The following TPCN2 variants were observed in gnomAD, a reference collection of about 807,000 sequenced individuals.
TPCN2 encodes the protein two pore segment channel 2.
TPCN2 carries 92 observed loss-of-function variants against 111.4 expected under a neutral mutation model. The observed-to-expected ratio is 0.83, with a 90% CI of 0.70 to 0.98. The LOEUF (loss-of-function observed/expected upper bound fraction) is 0.98. Among genes scored for constraint, TPCN2 ranks in the 50% least tolerant of loss-of-function variants. TPCN2 has a pLI of 0.00. For synonymous variants in TPCN2, 405 were observed against 414.5 expected (o/e 0.98, Z 0.28); for missense variants, 995 against 980.1 (o/e 1.02, Z -0.20).
At position 69,087,925 on chromosome 11, in the gene TPCN2, A is replaced by G; in HGVS notation, c.2231A>G (p.Gln744Arg). Residue 744 changes from glutamine (Q) to arginine (R), a missense_variant, in exon 25 of 25, where the codon CAG becomes CGG. Gln to Arg is a conservative substitution (Grantham distance 43). Coordinates refer to ENST00000294309, the MANE Select transcript of TPCN2 (RefSeq NM_139075.4). ...GATGAGCTCACAGAGAGGCTGAGCC[A>G]GCACCCGCACCTGTGGCTGTGCAGG... ...GEDELTERLS[Q>R]HPHLWLCR 6.2e-7 allele frequency: 1 copy of G among 1,611,780 alleles called. No individual in the cohort carries two copies. The highest frequency in any genetic ancestry group is 8.5e-7 in the Non-Finnish European group (1 of 1,179,766).
chr11:69,050,366 G>T (rs1395573585), intron 1 of TPCN2, among the ~76,000 whole-genome samples: 2 of 152,170 alleles, frequency 1.3e-5, no homozygotes, highest in East Asian at 3.9e-4. Flanking sequence ...GACCTTGGCA[G>T]GTTGCTTAAC....
intron 7 of TPCN2, among the ~76,000 whole-genome samples, chr11:69,065,286 G>T (rs549588721): frequency 1.3e-5 from 2 of 152,336 alleles, no homozygotes; most frequent in Admixed American, 6.5e-5. Context: ...GTTTGCCAGA[G>T]CCTGTACCAG....
At chr11:69,049,323 G>T (rs1195775876) in intron 1 of TPCN2, among the ~76,000 whole-genome samples, 4 of 152,198 alleles carry the variant, frequency 2.6e-5, no homozygotes, top group Admixed American at 2.6e-4. Flanking sequence ...CAGAGCTGGG[G>T]TCTCTTCCGT....
intron 5 of TPCN2, among the ~76,000 whole-genome samples, chr11:69,057,975 C>T (rs760467423): frequency 2.6e-5 from 4 of 152,346 alleles, no homozygotes; most frequent in South Asian, 2.1e-4. Context: ...TTCTGCCTCC[C>T]GGCTCTCCGC....
In TPCN2 at chr11:69,063,943, A is replaced by G. The variant is rs2134554716; in HGVS notation, c.702A>G (p.Gly234=). 1.2e-6 allele frequency: 2 copies of G among 1,613,842 alleles called. No individual in the cohort carries two copies. The highest frequency in any genetic ancestry group is 1.7e-6 in the Non-Finnish European group (2 of 1,179,922). ...ACCTGTGCCTCTTCACCATGTTCGG[A>G]ATGCTGCTGTTCGCTGGTGGGAAGG... is the stretch of plus-strand genomic sequence containing the variant. ...AIHLCLFTMF[G]MLLFAGGKQD... Residue 234 remains glycine, a synonymous_variant, in exon 7 of 25, where the codon GGA becomes GGG. Transcript: ENST00000294309.
chr11:69,054,668 C>T (rs905252400), intron 2 of TPCN2, 53 bp from the exon 3 acceptor site: 6 of 1,557,102 alleles, frequency 3.9e-6, no homozygotes, highest in Non-Finnish European at 5.3e-6. Flanking sequence ...GCTCGGGTCA[C>T]GGCCCACCCT....
chr11:69,078,069 CCTG>C (rs1378446841), intron 13 of TPCN2, among the ~76,000 whole-genome samples: 3 of 152,148 alleles, frequency 2.0e-5, no homozygotes, highest in Non-Finnish European at 4.4e-5. Context: ...CTCATTGCCT[CCTG>C]CTGCTGCTGG....
intron 8 of TPCN2, among the ~76,000 whole-genome samples, chr11:69,069,760 T>C (rs1435744104): frequency 9.0e-6 from 1 of 111,692 alleles, no homozygotes; most frequent in African/African-American, 3.3e-5. Flanking sequence ...AGCAGGACCG[T>C]CTGAGTCCTA....
intron 3 of TPCN2, 36 bp from the exon 4 acceptor site, chr11:69,055,139 G>A (rs763184008): frequency 6.2e-7 from 1 of 1,604,766 alleles, no homozygotes; most frequent in Admixed American, 1.7e-5. Context: ...GAGGGCTGCT[G>A]GCTCCTGTGT....
chr11:69,056,272 C>A (rs1854760098), intron 4 of TPCN2, among the ~76,000 whole-genome samples: 2 of 152,212 alleles, frequency 1.3e-5, no homozygotes, highest in East Asian at 3.9e-4. Context: ...CCTGTAGTCC[C>A]TTGTGGGCAG....
At position 69,049,044 on chromosome 11, in the gene TPCN2, G is replaced by A; in HGVS notation, c.47G>A (p.Arg16His). The change falls in exon 1 of 25, where the codon CGC becomes CAC. Residue 16 changes from arginine to histidine, a missense_variant. By Grantham distance (29) the Arg-to-His change is conservative. Transcript: ENST00000294309. ...TCGGAGCCCCTGCTGGGCGGGGCCC[G>A]CGGCGGTGGCGGCGACTGGCCGGCG... Reference protein sequence around the residue: ...AESEPLLGGARGGGGDWPAGL... With the variant: ...AESEPLLGGAHGGGGDWPAGL... 1 of 1,241,998 alleles carries A rather than the reference G, an allele frequency of 8.1e-7. No individual in the cohort carries two copies. Among genetic ancestry groups the A allele is most frequent in the Middle Eastern group, 2.6e-4 (1 of 3,866 alleles). The allele number at this position is 1,241,998 out of a possible 1,614,324, so 76.9% of individuals were successfully genotyped here. A position where few individuals can be genotyped will look rare whatever the true frequency, so the allele number is the denominator to read the frequency against.
At position 69,063,390 on chromosome 11, in the gene TPCN2, C is replaced by T. The variant is rs139654467; in HGVS notation, c.653+400C>T. 1.9e-3 allele frequency among the ~76,000 whole-genome samples: 286 copies of T among 152,100 alleles called. 1 individual carries two copies. The highest frequency in any genetic ancestry group is 6.0e-3 in the African/African-American group (251 of 41,522). On this transcript the variant is annotated intron_variant, in intron 6 of 24. Transcript: ENST00000294309. ...CTTCATAAAGCTGAGCTGTTCCTGA[C>T]GACACCCCTGCTTGGAAGCCCTCGT...
Position 69,054,080 on chromosome 11 carries a change from A to G in TPCN2, c.157A>G (p.Ile53Val), listed in dbSNP as rs992348690. Reference sequence around the variant, plus strand: ...CTGCATTGATCAGGCTGTGGTCTTCATCGAAGATGCTATTCAGGTCGGTGG... The same window carrying G: ...CTGCATTGATCAGGCTGTGGTCTTCGTCGAAGATGCTATTCAGGTCGGTGG... ...DLCIDQAVVFIEDAIQYRSIN... is the reference protein window; with the variant it reads ...DLCIDQAVVFVEDAIQYRSIN... Residue 53 changes from isoleucine to valine, a missense_variant, in exon 2 of 25, where the codon ATC (isoleucine) becomes GTC (valine). Transcript: ENST00000294309. The G allele has an allele frequency of 1.2e-6, 2 of 1,613,686 alleles. No individual in the cohort carries two copies. Among genetic ancestry groups the G allele is most frequent in the African/African-American group, 2.7e-5 (2 of 75,046 alleles).
At chr11:69,087,340 C>G (rs1782363961) in intron 24 of TPCN2, 134 bp downstream of exon 24, 10 of 748,120 alleles carry the variant, frequency 1.3e-5, no homozygotes, top group Non-Finnish European at 2.2e-5. Flanking sequence ...TGGCTTTGGT[C>G]CTGTGCTCTA....
chr11:69,087,969 C>T lies in TPCN2; in HGVS notation c.*16C>T. Reference sequence around the variant, plus strand: ...GTGCAGGTGACGTCCGGGCTGCCGTCCCAGCAGGGGCGGCAGGAGAGAGAG... The same window carrying T: ...GTGCAGGTGACGTCCGGGCTGCCGTTCCAGCAGGGGCGGCAGGAGAGAGAG... On this transcript the variant is annotated 3_prime_UTR_variant, in exon 25 of 25. Coordinates refer to ENST00000294309, the MANE Select transcript of TPCN2 (RefSeq NM_139075.4). The T allele has an allele frequency of 1.9e-6, 3 of 1,600,448 alleles. No homozygotes were observed. Among genetic ancestry groups the T allele is most frequent in the Non-Finnish European group, 2.6e-6 (3 of 1,175,292 alleles).
intron 5 of TPCN2, among the ~76,000 whole-genome samples, chr11:69,061,029 T>C (rs1490127940): frequency 1.3e-5 from 2 of 152,212 alleles, no homozygotes; most frequent in Non-Finnish European, 2.9e-5. Flanking sequence ...GCAGATGTTC[T>C]GGAGGGCCTG....
At chr11:69,082,586 C>T (rs1377594441) in intron 18 of TPCN2, among the ~76,000 whole-genome samples, 2 of 151,818 alleles carry the variant, frequency 1.3e-5, no homozygotes, top group South Asian at 2.1e-4. Flanking sequence ...GTGCACACAT[C>T]GCATGCAGAT....
At chr11:69,071,858 G>A (rs1221259832) in intron 10 of TPCN2, 65 bp from the exon 11 acceptor site, 1 of 1,475,204 alleles carries the variant, frequency 6.8e-7, no homozygotes, top group Non-Finnish European at 9.4e-7. Context: ...CCAGGGGAGG[G>A]AAGGGTCGGG....
chr11:69,065,036 C>CAT lies in TPCN2; in HGVS notation c.726+1069_726+1070insAT, dbSNP rs1374158663. On this transcript the variant is annotated intron_variant, in intron 7 of 24. Coordinates refer to ENST00000294309, the MANE Select transcript of TPCN2 (RefSeq NM_139075.4). ...CATGGTGTCTGTATGTCTGTGTGTGCGTGTGGTGTCGTGTGTGTGGTGTGT... is the reference window on the plus strand; with the variant it reads ...CATGGTGTCTGTATGTCTGTGTGTGCATGTGTGGTGTCGTGTGTGTGGTGTGT... 1.9e-5 allele frequency among the ~76,000 whole-genome samples: 2 copies of CAT among 102,854 alleles called. 1 individual carries two copies. Among genetic ancestry groups the CAT allele is most frequent in the Non-Finnish European group, 4.7e-5 (2 of 42,628 alleles). The allele number at this position is 102,854 out of a possible 152,430, so 67.5% of individuals were successfully genotyped here. A position where few individuals can be genotyped will look rare whatever the true frequency, so the allele number is the denominator to read the frequency against.
Sources: gnomAD v4.1 joint callset for allele counts (sites outside exome capture counted in the v4.1 genomes callset) on GRCh38, gnomAD v4.1.1 for gene constraint, MANE v1.5 for transcripts, NCBI Gene and HGNC (gene_info 2026-07-23, HGNC 2026-07-21) for gene names.